Variants in CCM2L observed in about 807,000 individuals in gnomAD.
CCM2L encodes cerebral cavernous malformations 2 protein-like.
In CCM2L, 36 loss-of-function variants were observed where a neutral mutation model predicts 54.1. The ratio of observed to expected loss-of-function variants is 0.67; its 90% CI spans 0.51 to 0.88. The LOEUF is 0.88. Among genes scored for constraint, CCM2L ranks in the 40% least tolerant of loss-of-function variants. The pLI is 0.00. For synonymous variants in CCM2L, 351 were observed against 359.3 expected (o/e 0.98, Z 0.26); for missense variants, 700 against 812.1 (o/e 0.86, Z 1.68).
intron 6 of CCM2L, among the ~76,000 whole-genome samples, chr20:32,025,462 C>T (rs1312967316): frequency 5.3e-5 from 8 of 152,008 alleles, no homozygotes; most frequent in Admixed American, 1.3e-4. Flanking sequence ...GAAATAAGGT[C>T]GCTCTATGTT....
intron 2 of CCM2L, 42 bp from the exon 3 acceptor site, chr20:32,017,758 G>A (rs754523760): frequency 1.3e-6 from 2 of 1,538,770 alleles, no homozygotes; most frequent in Non-Finnish European, 9.0e-7. Flanking sequence ...AGGTTTCAGG[G>A]TGACATCTCT....
intron 9 of CCM2L, among the ~76,000 whole-genome samples, chr20:32,030,486 G>A (rs114998616): frequency 0.018 from 2,788 of 152,204 alleles, 84 homozygotes; most frequent in African/African-American, 0.064. Context: ...TGTTTTACAG[G>A]TGAGGAAAAT....
In CCM2L at chr20:32,012,312, C is replaced by T. The variant is rs566851357; in HGVS notation, c.30+1828C>T. Among the ~76,000 whole-genome samples, 109 of 152,112 alleles carry T rather than the reference C, an allele frequency of 7.2e-4. No individual in the cohort carries two copies. In the South Asian group the frequency reaches 9.6e-3, roughly 13 times the overall value. ...GTGACTCACGCCTGTAATCGCAACA[C>T]TTTGGGAGGCTGAGGCAGGAGGATT... On this transcript the variant is annotated intron_variant, in intron 1 of 9. Coordinates refer to ENST00000452892, the MANE Select transcript of CCM2L (RefSeq NM_001365692.1).
In CCM2L at chr20:32,028,987, G is replaced by A. The variant is rs142270652; in HGVS notation, c.1134-8G>A. ...GGCGAGTGAAGGCCCTTCTTCCCGTGCCTGCAGTAATGGCTCCCAGGACAC... is the reference window on the plus strand; with the variant it reads ...GGCGAGTGAAGGCCCTTCTTCCCGTACCTGCAGTAATGGCTCCCAGGACAC... On this transcript the variant is annotated splice_region_variant and splice_polypyrimidine_tract_variant and intron_variant, in intron 7 of 9. Transcript: ENST00000452892. 1 of 1,613,884 alleles carries A rather than the reference G, an allele frequency of 6.2e-7. No homozygotes were observed. The highest frequency in any genetic ancestry group is 1.7e-5 in the Admixed American group (1 of 59,996).
intron 1 of CCM2L, among the ~76,000 whole-genome samples, chr20:32,012,176 T>C (rs1174997298): frequency 6.6e-6 from 1 of 151,998 alleles, no homozygotes; most frequent in East Asian, 1.9e-4. Context: ...TGAGTACCCA[T>C]AAGAATCACC....
Position 32,032,073 on chromosome 20 carries a change from C to G in CCM2L, c.*759C>G, listed in dbSNP as rs1048025150. The G allele has an allele frequency of 1.3e-5, 2 of 152,228 alleles. No homozygotes were observed. The highest frequency in any genetic ancestry group is 2.9e-5 in the Non-Finnish European group (2 of 68,098). The allele number at this position is 152,228 out of a possible 1,614,324, so 9.4% of individuals were successfully genotyped here. A position where few individuals can be genotyped will look rare whatever the true frequency, so the allele number is the denominator to read the frequency against. On this transcript the variant is annotated 3_prime_UTR_variant, in exon 10 of 10. Transcript: ENST00000452892. ...CCCCATCTGTCCAGTGAGCTCAGCC[C>G]CCATCCACCTAACAGGGTGGCCACA...
intron 9 of CCM2L, 110 bp downstream of exon 9, chr20:32,029,948 T>G: frequency 2.3e-6 from 3 of 1,303,074 alleles, no homozygotes; most frequent in Non-Finnish European, 3.0e-6. Context: ...CAGCCTCTGA[T>G]GAAACCCAGA....
In CCM2L at chr20:32,022,811, C is replaced by T; in HGVS notation, c.1069+16C>T. On this transcript the variant is annotated intron_variant, in intron 6 of 9. Transcript: ENST00000452892. ...TGCAGCCGCAGTGAGTACCAGAACT[C>T]CTGGCCTCCCCTCCTGTGAAACATC... The T allele has an allele frequency of 1.2e-6, 2 of 1,611,648 alleles. No individual in the cohort carries two copies. Among genetic ancestry groups the T allele is most frequent in the Non-Finnish European group, 1.7e-6 (2 of 1,179,652 alleles).
intron 6 of CCM2L, among the ~76,000 whole-genome samples, chr20:32,023,879 C>A (rs2064830141): frequency 6.6e-6 from 1 of 152,144 alleles, no homozygotes; most frequent in African/African-American, 2.4e-5. Context: ...TACAGGCATG[C>A]GCCACTACGC....
intron 1 of CCM2L, 82 bp downstream of exon 1, chr20:32,010,566 G>GGT: frequency 6.1e-6 from 6 of 984,666 alleles, no homozygotes; most frequent in Admixed American, 4.4e-5. Context: ...GGGGTGGGGG[G>GGT]TCGGTAGCGA....
chr20:32,017,762 CAT>C (rs1215543564), intron 2 of CCM2L, 36 bp from the exon 3 acceptor site: 1 of 1,548,606 alleles, frequency 6.5e-7, no homozygotes, highest in Admixed American at 1.7e-5. Context: ...TTCAGGGTGA[CAT>C]CTCTGTGTCC....
At chr20:32,013,434 G>T (rs1311055560) in intron 1 of CCM2L, among the ~76,000 whole-genome samples, 1 of 152,034 alleles carries the variant, frequency 6.6e-6, no homozygotes, top group Non-Finnish European at 1.5e-5. Context: ...TGGAGTGGGG[G>T]GGTGGGGGTT....
intron 9 of CCM2L, 157 bp from the exon 10 acceptor site, chr20:32,030,844 G>A (rs951538401): frequency 4.2e-5 from 18 of 425,264 alleles, no homozygotes; most frequent in African/African-American, 3.4e-4. Flanking sequence ...GCGCTGTGTC[G>A]TTATTCGCTG....
rs2064922175 is a variant in CCM2L at position 32,031,224 on chromosome 20, G to A, written c.1626G>A (p.Glu542=). 2 of 1,300,176 alleles carry A rather than the reference G, an allele frequency of 1.5e-6. No individual in the cohort carries two copies. The highest frequency in any genetic ancestry group is 3.0e-5 in the African/African-American group (2 of 65,730). 80.5% of individuals were successfully genotyped at this position (1,300,176 alleles called of 1,614,324 possible). The change falls in exon 10 of 10, where the codon GAG becomes GAA. Residue 542 remains glutamate, a synonymous_variant. Coordinates refer to ENST00000452892, the MANE Select transcript of CCM2L (RefSeq NM_001365692.1). ...TGGCTGACATCACGCACGACATCGA[G>A]GCGCTGGCCCCCGATGACGACGACG... is the stretch of plus-strand genomic sequence containing the variant. The part of the protein sequence containing the change: ...RLLADITHDI[E]ALAPDDDDDD...
intron 7 of CCM2L, chr20:32,028,639 A>C: frequency 4.3e-6 from 1 of 230,082 alleles, no homozygotes. Flanking sequence ...ACCTAGGGGA[A>C]TTAGGGAACA....
At chr20:32,022,281 TCTC>T (rs997648725) in intron 5 of CCM2L, among the ~76,000 whole-genome samples, 6 of 152,188 alleles carry the variant, frequency 3.9e-5, no homozygotes, top group Admixed American at 6.5e-5. Flanking sequence ...AATCATCCCT[TCTC>T]CTACTAGGTG....
chr20:32,018,213 GAGGGGCGGGGGCGGGGGCGGGGC>G (rs1317766316), intron 4 of CCM2L, 51 bp downstream of exon 4: 1 of 176,264 alleles, frequency 5.7e-6, no homozygotes, highest in Admixed American at 8.8e-5. Flanking sequence ...GGGGGCGGGG[GAGGGGCGGGGGCGGGGGCGGGGC>G]AGGGGCAGGG....
rs1412740727 is a variant in CCM2L, at chr20:32,031,173, C to G, written c.1575C>G (p.Pro525=). The G allele has an allele frequency of 7.7e-7, 1 of 1,302,206 alleles. No homozygotes were observed. Among genetic ancestry groups the G allele is most frequent in the Non-Finnish European group, 1.0e-6 (1 of 988,486 alleles). 80.7% of individuals were successfully genotyped at this position (1,302,206 alleles called of 1,614,324 possible). Residue 525 remains proline, a synonymous_variant, in exon 10 of 10, where the codon CCC becomes CCG. Coordinates refer to ENST00000452892, the MANE Select transcript of CCM2L (RefSeq NM_001365692.1). The part of the protein sequence containing the change: ...VRSYDGAAQR[P]EAQAFHRLLA... ...GCTACGATGGCGCGGCGCAGCGGCC[C>G]GAGGCACAGGCCTTCCACCGGCTGC... is the stretch of plus-strand genomic sequence containing the variant.
chr20:32,014,022 G>C (rs2064716553), intron 1 of CCM2L, among the ~76,000 whole-genome samples: 1 of 152,072 alleles, frequency 6.6e-6, no homozygotes, highest in Admixed American at 6.6e-5. Context: ...TCAGATGGCT[G>C]GTCTGGGCTG....
Sources: allele counts gnomAD v4.1 joint callset (sites outside exome capture counted in the v4.1 genomes callset), GRCh38; gene constraint gnomAD v4.1.1; transcripts MANE v1.5; gene names NCBI Gene and HGNC (gene_info 2026-07-23, HGNC 2026-07-21).